The following AFF4 variants were observed in gnomAD, a reference collection of about 807,000 sequenced individuals.
AFF4 encodes ALF transcription elongation factor 4, also known as AF4/FMR2 family member 4.
A neutral mutation model predicts 124.8 loss-of-function variants in AFF4; 13 were observed. The observed-to-expected ratio is 0.10, with a 90% confidence interval of 0.07 to 0.17. AFF4 has a LOEUF of 0.17. Among genes scored for constraint, AFF4 ranks in the 10% least tolerant of loss-of-function variants. The probability of loss-of-function intolerance (pLI) is 1.00; values close to 1 mark genes in which losing one functional copy is unlikely to be tolerated. For missense variants in AFF4, 1,092 were observed against 1,403.8 expected (o/e 0.78, Z 3.55); for synonymous variants, 477 against 496.1 (o/e 0.96, Z 0.51).
At chr5:132,912,268 G>T (rs886368538) in intron 5 of AFF4, among the ~76,000 whole-genome samples, 1 of 152,002 alleles carries the variant, frequency 6.6e-6, no homozygotes, top group Non-Finnish European at 1.5e-5. Context: ...CTTGAACCAG[G>T]GAGGTGGAGG....
intron 5 of AFF4, among the ~76,000 whole-genome samples, chr5:132,926,538 CT>C (rs371859220): frequency 0.16 from 21,786 of 137,898 alleles, 1,767 homozygotes; most frequent in Non-Finnish European, 0.21. Flanking sequence ...ATACCACTGT[CT>C]TTTTTTTTTT....
intron 19 of AFF4, among the ~76,000 whole-genome samples, chr5:132,883,959 CTG>C (rs1439594376): frequency 6.6e-6 from 1 of 152,170 alleles, no homozygotes; most frequent in Non-Finnish European, 1.5e-5. Flanking sequence ...ACCTAAAAAA[CTG>C]TGGTAGAAGA....
chr5:132,957,826 A>G (rs1396379033), intron 1 of AFF4, among the ~76,000 whole-genome samples: 1 of 152,190 alleles, frequency 6.6e-6, no homozygotes, highest in Non-Finnish European at 1.5e-5. Flanking sequence ...GATCTCATCA[A>G]CACAATCTAG....
At chr5:132,953,047 G>A (rs1761880549) in intron 1 of AFF4, among the ~76,000 whole-genome samples, 1 of 151,870 alleles carries the variant, frequency 6.6e-6, no homozygotes, top group African/African-American at 2.4e-5. Context: ...ATCTAAATCA[G>A]GGCTAGGCAC....
chr5:132,953,120 AT>A (rs2150111730), intron 1 of AFF4, among the ~76,000 whole-genome samples: 1 of 151,920 alleles, frequency 6.6e-6, no homozygotes, highest in African/African-American at 2.4e-5. Context: ...GAGCTCAGGA[AT>A]TCAAGACCAG....
intron 7 of AFF4, chr5:132,901,220 G>A (rs1164646477): frequency 1.1e-6 from 1 of 929,300 alleles, no homozygotes; most frequent in Admixed American, 6.2e-5. Flanking sequence ...ATGTGAATAT[G>A]TCAAAGCTTT....
chr5:132,936,964 T>A (rs1761446939), intron 2 of AFF4, 103 bp downstream of exon 2: 7 of 1,411,600 alleles, frequency 5.0e-6, no homozygotes, highest in Non-Finnish European at 6.7e-6. Flanking sequence ...TTAAGTGGTA[T>A]TCATAGTAAT....
chr5:132,890,732 AAAGTGGT>A (rs1760233580), intron 13 of AFF4, among the ~76,000 whole-genome samples: 1 of 152,214 alleles, frequency 6.6e-6, no homozygotes, highest in Admixed American at 6.5e-5. Flanking sequence ...TATTGAAATC[AAAGTGGT>A]AAGGCCCTAT....
intron 5 of AFF4, among the ~76,000 whole-genome samples, chr5:132,916,937 T>G (rs1760926531): frequency 6.6e-6 from 1 of 152,216 alleles, no homozygotes; most frequent in Non-Finnish European, 1.5e-5. Context: ...TTTGTTTTTT[T>G]GAGATAGAGT....
intron 1 of AFF4, among the ~76,000 whole-genome samples, chr5:132,953,791 ACAC>A (rs1471611297): frequency 6.6e-6 from 1 of 152,126 alleles, no homozygotes; most frequent in Admixed American, 6.6e-5. Context: ...CGTTCAAAAC[ACAC>A]CACATTTTAT....
intron 5 of AFF4, among the ~76,000 whole-genome samples, chr5:132,910,574 T>C (rs1760772513): frequency 6.6e-6 from 1 of 152,218 alleles, no homozygotes; most frequent in Admixed American, 6.5e-5. Flanking sequence ...ACAGAGCTTT[T>C]AGGTATATTA....
intron 4 of AFF4, 21 bp downstream of exon 4, chr5:132,932,157 G>T (rs201391231): frequency 1.3e-6 from 2 of 1,512,248 alleles, no homozygotes; most frequent in South Asian, 1.2e-5. Flanking sequence ...AAATTGAAAT[G>T]ATTTTTTTTA....
chr5:132,935,734 G>T (rs1337779256), intron 2 of AFF4, among the ~76,000 whole-genome samples: 1 of 149,986 alleles, frequency 6.7e-6, no homozygotes, highest in Non-Finnish European at 1.5e-5. Context: ...TTGCGTCATT[G>T]CACTCCAGTA....
At chr5:132,938,318 T>G (rs1183024636) in intron 1 of AFF4, among the ~76,000 whole-genome samples, 1 of 150,974 alleles carries the variant, frequency 6.6e-6, no homozygotes, top group Non-Finnish European at 1.5e-5. Flanking sequence ...CAGGCTGGAG[T>G]GCGGTGGTGC....
chr5:132,940,061 G>A lies in AFF4; in HGVS notation c.-4-2868C>T, dbSNP rs1422481026. ...ACAAAATACAAAAAAGTAGCCTGCC[G>A]TGGTAGCAGGTGCCTATAATCCCAG... On this transcript the variant is annotated intron_variant, in intron 1 of 20. Transcript: ENST00000265343. 2.6e-5 allele frequency among the ~76,000 whole-genome samples: 4 copies of A among 152,260 alleles called. No individual in the cohort carries two copies. The East Asian group carries it at 7.8e-4, about 30-fold the overall frequency.
At chr5:132,922,833 A>G (rs576030909) in intron 5 of AFF4, among the ~76,000 whole-genome samples, 3 of 151,830 alleles carry the variant, frequency 2.0e-5, no homozygotes, top group Admixed American at 1.3e-4. Flanking sequence ...CCATTAGTAG[A>G]TAATTAGGTA....
chr5:132,892,249 G>A lies in AFF4; in HGVS notation c.2552C>T (p.Thr851Met), dbSNP rs769422062. The A allele has an allele frequency of 2.3e-5, 37 of 1,613,874 alleles. No individual in the cohort carries two copies. The highest frequency in any genetic ancestry group is 2.0e-4 in the Admixed American group (12 of 59,972). The change falls in exon 13 of 21, where the codon ACG becomes ATG. Residue 851 changes from threonine to methionine, a missense_variant. By Grantham distance (81) the Thr-to-Met change is moderately conservative. This residue lies in a region of AFF4 where 293 missense variants were observed against 280.2 expected (regional missense o/e 1.05). Coordinates refer to ENST00000265343, the MANE Select transcript of AFF4 (RefSeq NM_014423.4). ...GGAACTGTTTTTGCTGCTGCCACTC[G>A]TCTCCTTGTTGCTGTTACTGCTTGA... is the stretch of plus-strand genomic sequence containing the variant. ...LKSSSNSNKE[T>M]SGSSKNSSST...
intron 4 of AFF4, 143 bp downstream of exon 4, chr5:132,932,035 A>T: frequency 2.0e-6 from 1 of 506,654 alleles, no homozygotes; most frequent in Non-Finnish European, 3.5e-6. Context: ...AGAGTAAATT[A>T]TTTATGATGG....
At chr5:132,915,922 A>G (rs1442274629) in intron 5 of AFF4, among the ~76,000 whole-genome samples, 1 of 151,832 alleles carries the variant, frequency 6.6e-6, no homozygotes, top group South Asian at 2.1e-4. Flanking sequence ...GTTCCTATAG[A>G]TAGAATTTCT....
Sources: allele counts gnomAD v4.1 joint callset (sites outside exome capture counted in the v4.1 genomes callset), GRCh38; gene constraint gnomAD v4.1.1; regional missense constraint gnomAD v4.1.1; transcripts MANE v1.5; gene names NCBI Gene and HGNC (gene_info 2026-07-23, HGNC 2026-07-21).